The following VSIR variants were observed in gnomAD, a reference collection of about 807,000 sequenced individuals.
VSIR encodes the protein V-set immunoregulatory receptor, also known as V-type immunoglobulin domain-containing suppressor of T-cell activation.
VSIR carries 10 observed loss-of-function variants against 31.0 expected under a neutral mutation model. The ratio of observed to expected loss-of-function variants is 0.32; its 90% CI spans 0.20 to 0.55. The LOEUF is 0.55. Ranked by LOEUF, VSIR falls within the 20% of genes least tolerant of loss-of-function variation. The probability of loss-of-function intolerance (pLI) is 0.93; values close to 1 mark genes in which losing one functional copy is unlikely to be tolerated. For synonymous variants in VSIR, 179 were observed against 180.1 expected, an observed-to-expected ratio of 0.99 and a Z score of 0.05; for missense variants, 356 against 416.2, an observed-to-expected ratio of 0.86 and a Z score of 1.26.
chr10:71,752,015 C>A, intron 5 of VSIR, 154 bp from the exon 6 acceptor site: 1 of 885,036 alleles, frequency 1.1e-6, no homozygotes, highest in Non-Finnish European at 1.8e-6. Context: ...GGAGCCAGGC[C>A]CACAGAGCAA....
Position 71,751,153 on chromosome 10 carries a change from A to G in VSIR, c.*100T>C. The G allele has an allele frequency of 7.2e-7, 1 of 1,385,728 alleles. No individual in the cohort carries two copies. The allele number at this position is 1,385,728 out of a possible 1,614,324, so 85.8% of individuals were successfully genotyped here. On this transcript the variant is annotated 3_prime_UTR_variant, in exon 7 of 7. Coordinates refer to ENST00000394957, the MANE Select transcript of VSIR (RefSeq NM_022153.2). The surrounding 1 kb of genome is among the most constrained non-coding windows in gnomAD (Gnocchi z 4.9). ...TCTGAGCCCAGAGCAGGAGGGAGGG[A>G]ACCAGGGCCGAGGCCAAGGAGGCCA... is the stretch of plus-strand genomic sequence containing the variant.
At chr10:71,753,976 G>C (rs1450534333) in intron 4 of VSIR, 5 of 432,692 alleles carry the variant, frequency 1.2e-5, no homozygotes, top group Non-Finnish European at 1.9e-5. Context: ...TGGGGAAACT[G>C]AGGCTCAGTC....
intron 1 of VSIR, among the ~76,000 whole-genome samples, chr10:71,771,429 C>T (rs757494666): frequency 6.6e-6 from 1 of 152,216 alleles, no homozygotes; most frequent in Non-Finnish European, 1.5e-5. Context: ...GGGCAACATA[C>T]CCAGGGCAAC....
chr10:71,755,185 T>C, intron 4 of VSIR, 174 bp downstream of exon 4: 1 of 718,716 alleles, frequency 1.4e-6, no homozygotes, highest in Non-Finnish European at 2.4e-6. Flanking sequence ...ATGGCATGCC[T>C]CCTTTCTCTC....
chr10:71,762,551 C>T (rs1188330584), intron 1 of VSIR, among the ~76,000 whole-genome samples: 2 of 152,246 alleles, frequency 1.3e-5, no homozygotes, highest in South Asian at 2.1e-4. Flanking sequence ...TGCATGGCCT[C>T]CCCTTGAGCA....
chr10:71,752,591 A>T (rs997736571), intron 5 of VSIR, among the ~76,000 whole-genome samples: 1 of 152,106 alleles, frequency 6.6e-6, no homozygotes, highest in African/African-American at 2.4e-5. Flanking sequence ...CAGCGGCCTA[A>T]CAGCTTTCTC....
At chr10:71,758,302 T>G (rs975016337) in intron 3 of VSIR, among the ~76,000 whole-genome samples, 2 of 152,192 alleles carry the variant, frequency 1.3e-5, no homozygotes, top group Admixed American at 6.5e-5. Context: ...TAGGTCCTCG[T>G]GCATGTCCTC....
At chr10:71,758,892 CAG>C (rs1043440080) in intron 3 of VSIR, among the ~76,000 whole-genome samples, 4 of 152,106 alleles carry the variant, frequency 2.6e-5, no homozygotes, top group African/African-American at 7.2e-5. Flanking sequence ...TTTTTTGGGA[CAG>C]AGTCTCGCTC....
At position 71,758,390 on chromosome 10, in the gene VSIR, G is replaced by A. The variant is rs150713752; in HGVS notation, c.568+2478C>T. Among the ~76,000 whole-genome samples the A allele has an allele frequency of 1.6e-3, 237 of 152,310 alleles. 1 individual carries two copies. The highest frequency in any genetic ancestry group is 4.8e-3 in the African/African-American group (198 of 41,562). Reference sequence around the variant, plus strand: ...TCTGACACATACAGGGTATAGAGGGGTGTGGAAGCCAAGACCTCTTCTCAG... The same window carrying A: ...TCTGACACATACAGGGTATAGAGGGATGTGGAAGCCAAGACCTCTTCTCAG... On this transcript the variant is annotated intron_variant, in intron 3 of 6. Transcript: ENST00000394957.
chr10:71,772,820 C>T (rs377744729), intron 1 of VSIR, among the ~76,000 whole-genome samples: 2 of 152,324 alleles, frequency 1.3e-5, no homozygotes, highest in South Asian at 2.1e-4. Flanking sequence ...GCAGTGCTGC[C>T]TCTGTGTCTG....
At chr10:71,757,063 A>G (rs1298185536) in intron 3 of VSIR, among the ~76,000 whole-genome samples, 1 of 152,262 alleles carries the variant, frequency 6.6e-6, no homozygotes, top group Non-Finnish European at 1.5e-5. Flanking sequence ...GACGTGGAAT[A>G]TTGAAAGTAA....
intron 1 of VSIR, among the ~76,000 whole-genome samples, chr10:71,770,850 C>T (rs1840668699): frequency 2.0e-5 from 3 of 152,140 alleles, no homozygotes; most frequent in African/African-American, 7.2e-5. Context: ...AAGGGACTCC[C>T]AGTATTGCTG....
Position 71,751,961 on chromosome 10 carries a change from A to C in VSIR, c.705-100T>G. The stretch of plus-strand genomic sequence containing the variant: ...TCTCTCCTCCCTTTCTCTCACCTAC[A>C]TCCCCATCCCCAAGCCTCAGCAGCA... On this transcript the variant is annotated intron_variant, in intron 5 of 6. Coordinates refer to ENST00000394957, the MANE Select transcript of VSIR (RefSeq NM_022153.2). This position sits in a 1 kb window ranked among gnomAD's most constrained non-coding sequence, Gnocchi z 4.9. 1 of 1,212,476 alleles carries C rather than the reference A, an allele frequency of 8.2e-7. No homozygotes were observed. Among genetic ancestry groups the C allele is most frequent in the Non-Finnish European group, 1.2e-6 (1 of 855,420 alleles). 75.1% of individuals were successfully genotyped at this position (1,212,476 alleles called of 1,614,324 possible).
At chr10:71,768,515 C>T (rs545992652) in intron 1 of VSIR, among the ~76,000 whole-genome samples, 52 of 151,448 alleles carry the variant, frequency 3.4e-4, no homozygotes, top group African/African-American at 1.2e-3. Context: ...GCTCTTCACT[C>T]AGGCTGGAAT....
chr10:71,760,267 ACATATATATG>A (rs1174395716), intron 3 of VSIR, among the ~76,000 whole-genome samples: 1 of 114,544 alleles, frequency 8.7e-6, no homozygotes, highest in South Asian at 2.8e-4. Context: ...ATATGTATAT[ACATATATATG>A]TATGTATATA....
rs764452960 is a variant in VSIR, at chr10:71,773,516, C to T, written c.-77G>A. 1.4e-6 allele frequency: 2 copies of T among 1,403,198 alleles called. No homozygotes were observed. Among genetic ancestry groups the T allele is most frequent in the Non-Finnish European group, 2.0e-6 (2 of 1,020,236 alleles). The allele number at this position is 1,403,198 out of a possible 1,614,324, so 86.9% of individuals were successfully genotyped here. A position where few individuals can be genotyped will look rare whatever the true frequency, so the allele number is the denominator to read the frequency against. ...GCGGCCGGCGCGGGGAAGCCTCCCG[C>T]GACTGAGTGCGAGCGAGTGAGCGCT... On this transcript the variant is annotated 5_prime_UTR_variant, in exon 1 of 7. Coordinates refer to ENST00000394957, the MANE Select transcript of VSIR (RefSeq NM_022153.2).
intron 1 of VSIR, among the ~76,000 whole-genome samples, chr10:71,767,383 C>G (rs1042006530): frequency 6.6e-6 from 1 of 152,238 alleles, no homozygotes; most frequent in Non-Finnish European, 1.5e-5. Flanking sequence ...AAGCCCCACC[C>G]AAACAGCTGA....
Position 71,755,412 on chromosome 10 carries a change from A to G in VSIR, c.623T>C (p.Leu208Pro). The G allele has an allele frequency of 1.2e-6, 2 of 1,613,110 alleles. No individual in the cohort carries two copies. ...TGACIVGILC[L>P]PLILLLVYKQ... is the part of the protein sequence containing the mutation. The stretch of plus-strand genomic sequence containing the variant: ...GTAGACCAGGAGCAGGATGAGGGGG[A>G]GGCAGAGGATTCCTACGATGCAGGC... Residue 208 changes from leucine (L) to proline (P), a missense_variant, in exon 4 of 7, where the codon CTC becomes CCC. Leu to Pro is a moderately conservative substitution (Grantham distance 98). Around this residue, in one of 2 missense-constraint regions of VSIR, gnomAD observed 190 missense variants for 185.2 expected, o/e 1.03. Coordinates refer to ENST00000394957, the MANE Select transcript of VSIR (RefSeq NM_022153.2).
intron 1 of VSIR, among the ~76,000 whole-genome samples, chr10:71,772,642 C>T (rs371607853): frequency 6.6e-6 from 1 of 152,184 alleles, no homozygotes; most frequent in South Asian, 2.1e-4. Flanking sequence ...AGAGAGATGC[C>T]GTAATTTATC....
Sources: allele counts gnomAD v4.1 joint callset (sites outside exome capture counted in the v4.1 genomes callset), GRCh38; gene constraint gnomAD v4.1.1; regional missense constraint gnomAD v4.1.1; non-coding constraint Gnocchi (gnomAD v3.1); transcripts MANE v1.5; gene names NCBI Gene and HGNC (gene_info 2026-07-23, HGNC 2026-07-21).